Variants in ROBO1 observed in about 807,000 individuals in gnomAD.
The protein encoded by ROBO1 is roundabout homolog 1.
In ROBO1, 149 loss-of-function variants were observed where a neutral mutation model predicts 195.9. The observed-to-expected ratio is 0.76, with a 90% CI of 0.67 to 0.87. The LOEUF is 0.87. ROBO1 is among the 40% of genes least tolerant of loss of function. The pLI is 0.00. For synonymous variants in ROBO1, 816 were observed against 733.2 expected (o/e 1.11, Z -1.82); for missense variants, 1,933 against 2,068.3 (o/e 0.93, Z 1.27).
chr3:78,897,570 T>C (rs940640839), intron 4 of ROBO1, among the ~76,000 whole-genome samples: 4 of 152,232 alleles, frequency 2.6e-5, no homozygotes, highest in African/African-American at 9.6e-5. Context: ...GTTGCACTTT[T>C]GTTATTTTGA....
At chr3:79,251,175 A>T (rs1317242706) in intron 2 of ROBO1, among the ~76,000 whole-genome samples, 1 of 152,238 alleles carries the variant, frequency 6.6e-6, no homozygotes, top group African/African-American at 2.4e-5. Context: ...TTACCCAATT[A>T]AAAAGAGCAA....
chr3:79,074,026 C>T (rs901970436), intron 3 of ROBO1, among the ~76,000 whole-genome samples: 1 of 151,482 alleles, frequency 6.6e-6, no homozygotes, highest in Non-Finnish European at 1.5e-5. Flanking sequence ...TTCATAGATA[C>T]CCTTATTTAA....
At chr3:78,764,076 A>G (rs2083170701) in intron 4 of ROBO1, among the ~76,000 whole-genome samples, 1 of 152,196 alleles carries the variant, frequency 6.6e-6, no homozygotes, top group Admixed American at 6.5e-5. Flanking sequence ...AAAGCAAACG[A>G]AAATTTTAAT....
At chr3:78,871,618 A>T (rs1354149766) in intron 4 of ROBO1, among the ~76,000 whole-genome samples, 1 of 151,670 alleles carries the variant, frequency 6.6e-6, no homozygotes, top group African/African-American at 2.4e-5. Context: ...TATTATACTT[A>T]TATTTTTCTA....
At chr3:78,812,045 A>G (rs2084758947) in intron 4 of ROBO1, among the ~76,000 whole-genome samples, 1 of 152,116 alleles carries the variant, frequency 6.6e-6, no homozygotes, top group African/African-American at 2.4e-5. Context: ...TCCTTTGATA[A>G]TATGCTTGGA....
chr3:78,832,222 G>C (rs1309845799), intron 4 of ROBO1, among the ~76,000 whole-genome samples: 1 of 152,156 alleles, frequency 6.6e-6, no homozygotes, highest in Admixed American at 6.5e-5. Flanking sequence ...ACTCATAGAT[G>C]ATAATTCAAT....
At chr3:78,760,864 ACTC>A (rs1458993454) in intron 4 of ROBO1, among the ~76,000 whole-genome samples, 1 of 150,016 alleles carries the variant, frequency 6.7e-6, no homozygotes, top group Non-Finnish European at 1.5e-5. Context: ...TTAGTCTTGA[ACTC>A]CTAGCCTCAA....
At chr3:79,561,360 C>T (rs998477560) in intron 2 of ROBO1, among the ~76,000 whole-genome samples, 6 of 152,150 alleles carry the variant, frequency 3.9e-5, no homozygotes, top group African/African-American at 1.4e-4. Flanking sequence ...GTAGTCAAAC[C>T]TGAGTCTTGT....
intron 1 of ROBO1, among the ~76,000 whole-genome samples, chr3:79,596,798 C>G (rs1944186059): frequency 6.6e-6 from 1 of 151,930 alleles, no homozygotes; most frequent in Admixed American, 6.6e-5. Flanking sequence ...AAATTCCAGG[C>G]TTTTTCTTGT....
At chr3:78,657,043 G>C in intron 18 of ROBO1, 55 bp downstream of exon 18, 15 of 1,490,032 alleles carry the variant, frequency 1.0e-5, no homozygotes, top group Non-Finnish European at 1.3e-5. Flanking sequence ...AAAAAGCAAA[G>C]TGGGACACAT....
intron 7 of ROBO1, chr3:78,715,282 T>C (rs1417007086): frequency 6.6e-6 from 1 of 152,172 alleles, no homozygotes; most frequent in Non-Finnish European, 1.5e-5. Flanking sequence ...GTTCTTCCCC[T>C]AACATAAACC....
In ROBO1 at chr3:79,676,835, G is replaced by T. The variant is rs553677664; in HGVS notation, c.-50-86874C>A. ...AACACCAAGGGATGAGAATGAGGGG[G>T]AGTCAGTTTAGCTTCTGTCTGCTGC... On this transcript the variant is annotated intron_variant, in intron 1 of 30. Coordinates refer to ENST00000464233, the MANE Select transcript of ROBO1 (RefSeq NM_002941.4). Among the ~76,000 whole-genome samples, 3 of 152,104 alleles carry T rather than the reference G, an allele frequency of 2.0e-5. No homozygotes were observed. The South Asian group carries it at 6.2e-4, about 32-fold the overall frequency.
intron 19 of ROBO1, among the ~76,000 whole-genome samples, chr3:78,649,543 G>C (rs1706519563): frequency 6.6e-6 from 1 of 152,004 alleles, no homozygotes; most frequent in Admixed American, 6.6e-5. Flanking sequence ...ATGTTTTATA[G>C]GTCAGTAGGC....
intron 22 of ROBO1, 143 bp downstream of exon 22, chr3:78,639,601 G>A: frequency 1.4e-6 from 1 of 717,004 alleles, no homozygotes; most frequent in East Asian, 3.1e-5. Context: ...ACTTAAATCA[G>A]GCTATTTTGC....
intron 28 of ROBO1, among the ~76,000 whole-genome samples, chr3:78,612,984 T>C (rs752420407): frequency 2.0e-5 from 3 of 152,212 alleles, no homozygotes; most frequent in Non-Finnish European, 2.9e-5. Flanking sequence ...AATTTAATAG[T>C]TATTATTCAG....
At chr3:79,492,342 T>C (rs1439084173) in intron 2 of ROBO1, among the ~76,000 whole-genome samples, 1 of 150,250 alleles carries the variant, frequency 6.7e-6, no homozygotes, top group East Asian at 2.0e-4. Flanking sequence ...GGAGAATCGC[T>C]TGAACCCGGG....
intron 2 of ROBO1, among the ~76,000 whole-genome samples, chr3:79,575,137 A>C (rs951901696): frequency 1.5e-4 from 12 of 81,432 alleles, no homozygotes; most frequent in Non-Finnish European, 1.9e-4. Context: ...AAATATATAT[A>C]ACAAATATAT....
chr3:79,336,550 T>C (rs967404766), intron 2 of ROBO1, among the ~76,000 whole-genome samples: 11 of 152,172 alleles, frequency 7.2e-5, no homozygotes, highest in African/African-American at 2.4e-4. Flanking sequence ...TTTCAGAGGA[T>C]GTATGGAAAC....
intron 3 of ROBO1, among the ~76,000 whole-genome samples, chr3:78,994,828 C>T (rs1417237617): frequency 1.3e-5 from 2 of 152,148 alleles, no homozygotes; most frequent in Non-Finnish European, 2.9e-5. Flanking sequence ...TGAACCCAGA[C>T]GGAGTTAATC....
Sources: allele counts gnomAD v4.1 joint callset (sites outside exome capture counted in the v4.1 genomes callset), GRCh38; gene constraint gnomAD v4.1.1; transcripts MANE v1.5; gene names NCBI Gene and HGNC (gene_info 2026-07-23, HGNC 2026-07-21).